The following SIPA1L3 variants were observed in gnomAD, a reference collection of about 807,000 sequenced individuals.
The protein encoded by SIPA1L3 is signal-induced proliferation-associated 1-like protein 3.
A neutral mutation model predicts 150.1 loss-of-function variants in SIPA1L3; 59 were observed. That is an observed-to-expected ratio of 0.39 (90% CI 0.32 to 0.49). The LOEUF (loss-of-function observed/expected upper bound fraction) is 0.49. Among genes scored for constraint, SIPA1L3 ranks in the 20% least tolerant of loss-of-function variants. The pLI is 0.86. For missense variants in SIPA1L3, 2,211 were observed against 2,489.5 expected (o/e 0.89, Z 2.38); for synonymous variants, 1,070 against 1,077.6 (o/e 0.99, Z 0.14).
intron 4 of SIPA1L3, among the ~76,000 whole-genome samples, chr19:38,096,602 A>G (rs371606964): frequency 3.3e-5 from 5 of 151,808 alleles, no homozygotes; most frequent in African/African-American, 4.8e-5. Context: ...GCTTGTAACA[A>G]GCCCCCTGGA....
chr19:37,955,228 C>T (rs80065546), intron 1 of SIPA1L3, among the ~76,000 whole-genome samples: 1 of 151,644 alleles, frequency 6.6e-6, no homozygotes, highest in African/African-American at 2.4e-5. Context: ...CCCGTCTCTA[C>T]TAAAAATACA....
At chr19:37,920,085 G>T (rs1271431678) in intron 1 of SIPA1L3, among the ~76,000 whole-genome samples, 1 of 147,944 alleles carries the variant, frequency 6.8e-6, no homozygotes, top group Admixed American at 6.8e-5. Context: ...TTTGAGATAG[G>T]GTCTCACTCT....
chr19:37,978,667 T>C (rs1599861678), intron 1 of SIPA1L3, among the ~76,000 whole-genome samples: 2 of 152,162 alleles, frequency 1.3e-5, no homozygotes, highest in South Asian at 2.1e-4. Context: ...TTAATTTGCA[T>C]ATAGTACAAT....
chr19:38,101,204 C>T lies in SIPA1L3; in HGVS notation c.2007C>T (p.Tyr669=), dbSNP rs546813617. 6.3e-6 allele frequency: 10 copies of T among 1,586,562 alleles called. No individual in the cohort carries two copies. In the East Asian group the frequency reaches 1.6e-4, roughly 25 times the overall value. ...EKVCLKGFTK[Y]AAQLDVKTDS... is the part of the protein sequence containing the mutation. ...TCTGCCTGAAGGGCTTCACCAAGTA[C>T]GCTGCCCAGCTGGACGTCAAGAGTA... Residue 669 remains tyrosine, a synonymous_variant, in exon 6 of 22, where the codon TAC becomes TAT. Transcript: ENST00000222345.
chr19:38,020,311 G>A lies in SIPA1L3; in HGVS notation c.-378-8778G>A, dbSNP rs113402338. On this transcript the variant is annotated intron_variant, in intron 1 of 21. Transcript: ENST00000222345. ...TCACTGTTAGTAATTTTTTTTTTCC[G>A]TTCATTCTTCCCTTTCAATGTGTTA... Among the ~76,000 whole-genome samples, 793 of 151,258 alleles carry A rather than the reference G, an allele frequency of 5.2e-3. 6 individuals carry two copies. Among genetic ancestry groups the A allele is most frequent in the African/African-American group, 0.018 (753 of 41,182 alleles).
At chr19:38,199,620 A>G (rs1973042036) in intron 19 of SIPA1L3, among the ~76,000 whole-genome samples, 1 of 151,760 alleles carries the variant, frequency 6.6e-6, no homozygotes, top group Non-Finnish European at 1.5e-5. Context: ...GAGAGGGGGG[A>G]GTAGCAGAAA....
chr19:38,170,158 G>A (rs1972294878), intron 15 of SIPA1L3, among the ~76,000 whole-genome samples: 1 of 152,124 alleles, frequency 6.6e-6, no homozygotes, highest in Non-Finnish European at 1.5e-5. Flanking sequence ...GAAAGAGTCT[G>A]AGCTAGCCAG....
At chr19:37,907,416 T>C (rs2046342864) in intron 1 of SIPA1L3, 58 bp downstream of exon 1, 1 of 152,194 alleles carries the variant, frequency 6.6e-6, no homozygotes, top group African/African-American at 2.4e-5. Context: ...AATCGGTGGC[T>C]GCCCGGACCC....
chr19:38,001,675 G>T (rs544300446), intron 1 of SIPA1L3, among the ~76,000 whole-genome samples: 1 of 152,160 alleles, frequency 6.6e-6, no homozygotes, highest in Non-Finnish European at 1.5e-5. Context: ...CAATCCTGCC[G>T]CCTTGGCCTC....
chr19:38,203,898 C>T (rs1600213330), intron 20 of SIPA1L3: 1 of 543,296 alleles, frequency 1.8e-6, no homozygotes, highest in South Asian at 2.3e-5. Flanking sequence ...CCACCCTTCC[C>T]CTGGCCTGGT....
chr19:38,101,770 C>T (rs555951999), intron 6 of SIPA1L3, among the ~76,000 whole-genome samples: 2 of 152,286 alleles, frequency 1.3e-5, no homozygotes, highest in African/African-American at 4.8e-5. Context: ...AGAGACGCTG[C>T]TCTGTGACTC....
chr19:38,045,999 G>C (rs1284401624), intron 2 of SIPA1L3, among the ~76,000 whole-genome samples: 1 of 152,128 alleles, frequency 6.6e-6, no homozygotes, highest in African/African-American at 2.4e-5. Context: ...TTCAAGCCTT[G>C]ATGTCCTGAC....
At chr19:38,151,774 G>A (rs1352873267) in intron 12 of SIPA1L3, among the ~76,000 whole-genome samples, 1 of 151,874 alleles carries the variant, frequency 6.6e-6, no homozygotes, top group African/African-American at 2.4e-5. Flanking sequence ...ACCAGCCTGG[G>A]CAACATGGTG....
At chr19:37,983,231 A>G (rs956927894) in intron 1 of SIPA1L3, among the ~76,000 whole-genome samples, 10 of 152,222 alleles carry the variant, frequency 6.6e-5, no homozygotes, top group Non-Finnish European at 1.5e-4. Context: ...CATCTGGGCT[A>G]GAGAGGCAGT....
intron 12 of SIPA1L3, among the ~76,000 whole-genome samples, chr19:38,150,222 T>A (rs1297418697): frequency 1.3e-5 from 2 of 152,170 alleles, no homozygotes; most frequent in Non-Finnish European, 2.9e-5. Context: ...GTGGTCAAGG[T>A]CTGGTTGAGG....
At position 38,059,112 on chromosome 19, in the gene SIPA1L3, C is replaced by T. The variant is rs1221199955; in HGVS notation, c.-310-22144C>T. Among the ~76,000 whole-genome samples the T allele has an allele frequency of 3.3e-5, 5 of 150,936 alleles. No individual in the cohort carries two copies. The East Asian group carries it at 5.8e-4, about 18-fold the overall frequency. On this transcript the variant is annotated intron_variant, in intron 2 of 21. Transcript: ENST00000222345. ...ACCATCATAGCTCAAGTGATCCTCC[C>T]GCCTCAGCTTCCTGAGTAGCTGAGT... is the stretch of plus-strand genomic sequence containing the variant.
intron 1 of SIPA1L3, among the ~76,000 whole-genome samples, chr19:38,002,386 A>G (rs2145661761): frequency 6.6e-6 from 1 of 152,182 alleles, no homozygotes; most frequent in African/African-American, 2.4e-5. Flanking sequence ...TTCCTTTATG[A>G]GGCTAAATAA....
At chr19:38,117,065 G>A (rs748627770) in intron 8 of SIPA1L3, among the ~76,000 whole-genome samples, 6 of 152,118 alleles carry the variant, frequency 3.9e-5, no homozygotes, top group Admixed American at 6.5e-5. Context: ...CTCCCTGTCC[G>A]GGCTCAGGGC....
chr19:38,175,638 G>A (rs1182824107), intron 15 of SIPA1L3, among the ~76,000 whole-genome samples: 1 of 152,158 alleles, frequency 6.6e-6, no homozygotes, highest in Non-Finnish European at 1.5e-5. Flanking sequence ...CACCTCCCTG[G>A]CACCTGCAGC....
Sources: allele counts gnomAD v4.1 joint callset (sites outside exome capture counted in the v4.1 genomes callset), GRCh38; gene constraint gnomAD v4.1.1; transcripts MANE v1.5; gene names NCBI Gene and HGNC (gene_info 2026-07-23, HGNC 2026-07-21).